Variants in PARD3B observed in about 807,000 individuals in gnomAD.
The protein encoded by PARD3B is par-3 family cell polarity regulator beta, also known as partitioning defective 3 homolog B.
In PARD3B, 103 loss-of-function variants were observed where a neutral mutation model predicts 130.2. The ratio of observed to expected loss-of-function variants is 0.79; its 90% CI spans 0.67 to 0.93. The LOEUF (loss-of-function observed/expected upper bound fraction) is 0.93, where lower values mean the gene tolerates loss of function less well. PARD3B is among the 40% of genes least tolerant of loss of function. PARD3B has a pLI of 0.00. For synonymous variants in PARD3B, 583 were observed against 553.2 expected, an observed-to-expected ratio of 1.05 and a Z score of -0.76; for missense variants, 1,609 against 1,499.2, an observed-to-expected ratio of 1.07 and a Z score of -1.21.
chr2:205,391,151 A>C (rs1267927675), intron 18 of PARD3B, among the ~76,000 whole-genome samples: 1 of 152,200 alleles, frequency 6.6e-6, no homozygotes, highest in Non-Finnish European at 1.5e-5. Flanking sequence ...AAAGTTCAGC[A>C]GTGAAGTATG....
At chr2:204,927,618 C>A (rs192028993) in intron 2 of PARD3B, among the ~76,000 whole-genome samples, 204 of 152,156 alleles carry the variant, frequency 1.3e-3, no homozygotes, top group Non-Finnish European at 2.4e-3. Flanking sequence ...TAACGTTAAA[C>A]TCATGTAGTA....
intron 3 of PARD3B, among the ~76,000 whole-genome samples, chr2:204,998,136 C>A (rs891479078): frequency 6.8e-6 from 1 of 148,088 alleles, no homozygotes; most frequent in Non-Finnish European, 1.5e-5. Flanking sequence ...AGAGAAGACA[C>A]GGGGAGGGGA....
At chr2:205,605,059 G>A (rs1235939837) in intron 22 of PARD3B, among the ~76,000 whole-genome samples, 1 of 152,168 alleles carries the variant, frequency 6.6e-6, no homozygotes, top group African/African-American at 2.4e-5. Flanking sequence ...AGCTCCATCG[G>A]GCATTTTTGT....
chr2:205,456,604 T>A (rs1337072342), intron 20 of PARD3B, among the ~76,000 whole-genome samples: 1 of 151,952 alleles, frequency 6.6e-6, no homozygotes, highest in Non-Finnish European at 1.5e-5. Flanking sequence ...TAAATGAGCA[T>A]GAATTTTGTC....
At chr2:204,814,679 GT>G (rs2043083143) in intron 2 of PARD3B, among the ~76,000 whole-genome samples, 2 of 151,796 alleles carry the variant, frequency 1.3e-5, no homozygotes, top group Non-Finnish European at 2.9e-5. Context: ...TCACCGTTGA[GT>G]AAAATATTAG....
chr2:205,443,048 G>T (rs1410175868), intron 20 of PARD3B, among the ~76,000 whole-genome samples: 1 of 152,150 alleles, frequency 6.6e-6, no homozygotes, highest in Non-Finnish European at 1.5e-5. Context: ...CTTAAAGACT[G>T]CCCTGCTCCT....
At chr2:204,999,873 GA>G (rs1694678267) in intron 3 of PARD3B, among the ~76,000 whole-genome samples, 1 of 152,124 alleles carries the variant, frequency 6.6e-6, no homozygotes. Flanking sequence ...CAGGACCAGA[GA>G]AACTTTAAAG....
intron 18 of PARD3B, among the ~76,000 whole-genome samples, chr2:205,339,821 C>T (rs1364915250): frequency 6.6e-6 from 1 of 151,958 alleles, no homozygotes; most frequent in Non-Finnish European, 1.5e-5. Context: ...ACTGAAGAAA[C>T]AAAACATTTG....
chr2:204,564,150 G>A (rs527543946), intron 1 of PARD3B, among the ~76,000 whole-genome samples: 6 of 152,286 alleles, frequency 3.9e-5, no homozygotes, highest in African/African-American at 1.2e-4. Flanking sequence ...CTGTAATTAC[G>A]TTCTTTTACA....
intron 4 of PARD3B, among the ~76,000 whole-genome samples, chr2:205,058,591 T>A (rs1405297742): frequency 6.6e-6 from 1 of 151,990 alleles, no homozygotes; most frequent in Non-Finnish European, 1.5e-5. Context: ...TCCACATCCT[T>A]GCCAACACTT....
chr2:204,834,477 A>G (rs2043956357), intron 2 of PARD3B, among the ~76,000 whole-genome samples: 1 of 152,252 alleles, frequency 6.6e-6, no homozygotes, highest in African/African-American at 2.4e-5. Context: ...CTACATTATA[A>G]TGGTATTGAG....
At position 205,530,463 on chromosome 2, in the gene PARD3B, CTTTTTG is replaced by C. The variant is rs994769472; in HGVS notation, c.3181-22855_3181-22850del. Among the ~76,000 whole-genome samples, 1 of 152,258 alleles carries C rather than the reference CTTTTTG, an allele frequency of 6.6e-6. No homozygotes were observed. Among genetic ancestry groups the C allele is most frequent in the Non-Finnish European group, 1.5e-5 (1 of 68,020 alleles). ...TAAATGTTTGTTGATTCGTTATTGT[CTTTTTG>C]TTTTTATTTTCTCCTTTTCTGCTTT... On this transcript the variant is annotated intron_variant, in intron 21 of 22. Transcript: ENST00000406610. This position sits in a 1 kb window ranked among gnomAD's most constrained non-coding sequence, Gnocchi z 4.7.
At chr2:205,270,252 C>G (rs1191084913) in intron 16 of PARD3B, among the ~76,000 whole-genome samples, 1 of 152,052 alleles carries the variant, frequency 6.6e-6, no homozygotes, top group Non-Finnish European at 1.5e-5. Flanking sequence ...TAGGAATGCT[C>G]TAGGCTGCAG....
rs2038741319 is a variant in PARD3B at position 205,229,791 on chromosome 2, T to C, written c.2141-15987T>C. Among the ~76,000 whole-genome samples the C allele has an allele frequency of 6.6e-6, 1 of 152,008 alleles. No homozygotes were observed. The highest frequency in any genetic ancestry group is 2.4e-5 in the African/African-American group (1 of 41,402). On this transcript the variant is annotated intron_variant, in intron 15 of 22. Transcript: ENST00000406610. The surrounding 1 kb of genome is among the most constrained non-coding windows in gnomAD (Gnocchi z 5.2). ...GCCTCGAGTGAGTCCACAGATGCCG[T>C]CCAGGAGCCAGGGCCTAGAGTCAGA...
chr2:204,792,541 A>G (rs889883148), intron 2 of PARD3B, among the ~76,000 whole-genome samples: 5 of 151,646 alleles, frequency 3.3e-5, no homozygotes, highest in African/African-American at 1.2e-4. Context: ...TTCAAGTAAG[A>G]CCATTTTTTT....
intron 3 of PARD3B, among the ~76,000 whole-genome samples, chr2:204,994,780 A>T (rs376208285): frequency 0.098 from 13,977 of 142,624 alleles, 696 homozygotes; most frequent in Non-Finnish European, 0.11. Context: ...TGGGTGCATA[A>T]ATATTTAGGA....
chr2:205,117,962 A>G (rs1436902336), intron 6 of PARD3B, among the ~76,000 whole-genome samples: 3 of 11,838 alleles, frequency 2.5e-4, no homozygotes, highest in East Asian at 2.8e-3. Flanking sequence ...TTTTAATTCT[A>G]GTGGCTATAG....
chr2:204,954,771 CA>C (rs2125832473), intron 2 of PARD3B, among the ~76,000 whole-genome samples: 1 of 152,294 alleles, frequency 6.6e-6, no homozygotes, highest in Non-Finnish European at 1.5e-5. Flanking sequence ...GTGTGGTTTG[CA>C]AACCCTAAAG....
In PARD3B at chr2:205,253,218, G is replaced by T. The variant is rs373587602; in HGVS notation, c.2185+7396G>T. 1 of 412,182 alleles carries T rather than the reference G, an allele frequency of 2.4e-6. No homozygotes were observed. 25.5% of individuals were successfully genotyped at this position (412,182 alleles called of 1,614,324 possible). ...CAGGTGTTGACCAGCAATTTCCTGC[G>T]GCATTTACTTCTTGATAACAAGAGT... On this transcript the variant is annotated intron_variant, in intron 16 of 22. Transcript: ENST00000406610. The surrounding 1 kb of genome is among the most constrained non-coding windows in gnomAD (Gnocchi z 4.4).
Sources: allele counts gnomAD v4.1 joint callset (sites outside exome capture counted in the v4.1 genomes callset), GRCh38; gene constraint gnomAD v4.1.1; non-coding constraint Gnocchi (gnomAD v3.1); transcripts MANE v1.5; gene names NCBI Gene and HGNC (gene_info 2026-07-23, HGNC 2026-07-21).